The following MTUS2 variants were observed in gnomAD, a reference collection of about 807,000 sequenced individuals.
MTUS2 encodes microtubule associated scaffold protein 2.
A neutral mutation model predicts 114.1 loss-of-function variants in MTUS2; 40 were observed. That is an observed-to-expected ratio of 0.35 (90% confidence interval 0.27 to 0.46). MTUS2 has a LOEUF of 0.46. Among genes scored for constraint, MTUS2 ranks in the 20% least tolerant of loss-of-function variants. MTUS2 has a pLI of 1.00. For missense variants in MTUS2, 1,679 were observed against 1,705.4 expected (o/e 0.98, Z 0.27); for synonymous variants, 688 against 672.0 (o/e 1.02, Z -0.37).
intron 5 of MTUS2, among the ~76,000 whole-genome samples, chr13:29,183,536 A>T (rs1894096097): frequency 6.6e-6 from 1 of 152,210 alleles, no homozygotes; most frequent in African/African-American, 2.4e-5. Context: ...GCTGTGAGCC[A>T]ATAGATGGAA....
chr13:28,919,296 G>T (rs1311651551), intron 2 of MTUS2, among the ~76,000 whole-genome samples: 1 of 151,992 alleles, frequency 6.6e-6, no homozygotes, highest in Non-Finnish European at 1.5e-5. Flanking sequence ...GTCTGGGAAG[G>T]TCTTTATTTC....
At chr13:28,839,036 C>A (rs1203258347) in intron 1 of MTUS2, among the ~76,000 whole-genome samples, 2 of 151,068 alleles carry the variant, frequency 1.3e-5, no homozygotes, top group African/African-American at 2.4e-5. Flanking sequence ...TATGAAATTG[C>A]GATATGTGTA....
chr13:29,371,285 C>T (rs13378367), intron 8 of MTUS2, among the ~76,000 whole-genome samples: 33,133 of 147,808 alleles, frequency 0.22, 3,673 homozygotes, highest in Middle Eastern at 0.25. Context: ...TGGTGTGATC[C>T]TAGCTTACTG....
At chr13:29,263,006 A>T (rs1253400047) in intron 5 of MTUS2, among the ~76,000 whole-genome samples, 1 of 152,244 alleles carries the variant, frequency 6.6e-6, no homozygotes, top group African/African-American at 2.4e-5. Context: ...TTCTCAGATA[A>T]GTCTAATGAC....
chr13:29,082,915 G>T (rs775770611), intron 4 of MTUS2, among the ~76,000 whole-genome samples: 1 of 152,162 alleles, frequency 6.6e-6, no homozygotes, highest in Non-Finnish European at 1.5e-5. Flanking sequence ...TTATAGTGAG[G>T]AGTCTCTGAG....
chr13:28,965,331 C>A (rs1883529831), intron 2 of MTUS2, among the ~76,000 whole-genome samples: 1 of 152,104 alleles, frequency 6.6e-6, no homozygotes, highest in Admixed American at 6.5e-5. Flanking sequence ...AATCAGTGGG[C>A]CTAGATCTTG....
chr13:28,972,581 G>A (rs1883903996), intron 2 of MTUS2, among the ~76,000 whole-genome samples: 1 of 152,148 alleles, frequency 6.6e-6, no homozygotes, highest in South Asian at 2.1e-4. Context: ...CAGCCACTTA[G>A]GTTAGTTTTA....
At chr13:28,930,692 G>A (rs1881569059) in intron 2 of MTUS2, among the ~76,000 whole-genome samples, 1 of 152,140 alleles carries the variant, frequency 6.6e-6, no homozygotes, top group African/African-American at 2.4e-5. Flanking sequence ...TACTTTCCTT[G>A]TTCCCCTGGT....
At chr13:29,181,625 A>G (rs887007524) in intron 5 of MTUS2, among the ~76,000 whole-genome samples, 1 of 152,152 alleles carries the variant, frequency 6.6e-6, no homozygotes, top group African/African-American at 2.4e-5. Context: ...TATATGATTA[A>G]TGGATCAAAA....
chr13:29,499,069 C>A (rs990687568), intron 14 of MTUS2, among the ~76,000 whole-genome samples: 1 of 152,222 alleles, frequency 6.6e-6, no homozygotes, highest in African/African-American at 2.4e-5. Context: ...CACAGGGGCT[C>A]ACCCTCAGGA....
chr13:28,869,483 G>A (rs1003215951), intron 2 of MTUS2, among the ~76,000 whole-genome samples: 1 of 152,130 alleles, frequency 6.6e-6, no homozygotes, highest in African/African-American at 2.4e-5. Flanking sequence ...TTAAAAGTAG[G>A]TAGTAAAGGC....
chr13:29,349,744 T>G (rs4473026), intron 7 of MTUS2, among the ~76,000 whole-genome samples: 110,946 of 152,066 alleles, frequency 0.73, 44,558 homozygotes, highest in East Asian at 0.9. Flanking sequence ...ATTCTTATCT[T>G]TGGGTCTTTG....
chr13:29,483,987 T>C (rs1881399280), intron 10 of MTUS2: 1 of 152,178 alleles, frequency 6.6e-6, no homozygotes, highest in Non-Finnish European at 1.5e-5. Context: ...ATCAGGCTTG[T>C]GACCTTTGAC....
intron 2 of MTUS2, among the ~76,000 whole-genome samples, chr13:28,874,033 T>C (rs1284850969): frequency 6.6e-6 from 1 of 152,222 alleles, no homozygotes; most frequent in Admixed American, 6.5e-5. Context: ...TTTTTTCTTT[T>C]TTTGAGATGG....
chr13:29,097,252 A>G (rs995167629), intron 4 of MTUS2, among the ~76,000 whole-genome samples: 2 of 152,164 alleles, frequency 1.3e-5, no homozygotes, highest in Admixed American at 6.5e-5. Context: ...TCTTATATAA[A>G]TGTTTCTTTA....
At chr13:29,426,197 G>GA (rs1876511821) in intron 8 of MTUS2, among the ~76,000 whole-genome samples, 1 of 152,130 alleles carries the variant, frequency 6.6e-6, no homozygotes, top group South Asian at 2.1e-4. Context: ...TTCTCTTTTA[G>GA]AAAAACTGTG....
intron 5 of MTUS2, among the ~76,000 whole-genome samples, chr13:29,219,045 A>G (rs1895798042): frequency 1.3e-5 from 2 of 149,860 alleles, no homozygotes; most frequent in South Asian, 4.2e-4. Context: ...ATATGTATAC[A>G]TGTGCCATGC....
chr13:29,348,524 T>G (rs1445883545), intron 7 of MTUS2, among the ~76,000 whole-genome samples: 1 of 152,192 alleles, frequency 6.6e-6, no homozygotes, highest in Non-Finnish European at 1.5e-5. Flanking sequence ...TTAAAAACAG[T>G]GTCTACTCTG....
At position 29,505,525 on chromosome 13, in the gene MTUS2, C is replaced by T; in HGVS notation, c.*2319C>T. ...GCTCCTCATCTGAGCCATCACCGCT[C>T]CCGAAACACATGGGGCGGCAGCTGC... On this transcript the variant is annotated 3_prime_UTR_variant, in exon 16 of 16. Coordinates refer to ENST00000612955, the MANE Select transcript of MTUS2 (RefSeq NM_001033602.4). 4.3e-6 allele frequency: 1 copy of T among 230,732 alleles called. No individual in the cohort carries two copies. Among genetic ancestry groups the T allele is most frequent in the Non-Finnish European group, 8.6e-6 (1 of 116,524 alleles). 14.3% of individuals were successfully genotyped at this position (230,732 alleles called of 1,614,324 possible).
Sources: allele counts gnomAD v4.1 joint callset (sites outside exome capture counted in the v4.1 genomes callset), GRCh38; gene constraint gnomAD v4.1.1; transcripts MANE v1.5; gene names NCBI Gene and HGNC (gene_info 2026-07-23, HGNC 2026-07-21).